Variants in CDC14B observed in about 807,000 individuals in gnomAD.
CDC14B encodes dual specificity protein phosphatase CDC14B.
A neutral mutation model predicts 64.2 loss-of-function variants in CDC14B; 22 were observed. The ratio of observed to expected loss-of-function variants is 0.34; its 90% confidence interval spans 0.24 to 0.49. The LOEUF is 0.49. Ranked by LOEUF, CDC14B falls within the 20% of genes least tolerant of loss-of-function variation. The pLI is 0.99. For missense variants in CDC14B, 498 were observed against 629.9 expected (o/e 0.79, Z 2.24); for synonymous variants, 191 against 215.8 (o/e 0.89, Z 1.01).
At chr9:96,517,843 T>C (rs551110657) in intron 12 of CDC14B, among the ~76,000 whole-genome samples, 2 of 151,166 alleles carry the variant, frequency 1.3e-5, no homozygotes, top group African/African-American at 4.9e-5. Context: ...TTTTTTTTTT[T>C]ATTTTTTTTG....
chr9:96,540,645 T>C (rs892165363), intron 6 of CDC14B, among the ~76,000 whole-genome samples: 2 of 151,448 alleles, frequency 1.3e-5, no homozygotes, highest in Non-Finnish European at 2.9e-5. Context: ...AGCTGCCATA[T>C]GGTGTTATAA....
intron 7 of CDC14B, among the ~76,000 whole-genome samples, chr9:96,536,198 T>C (rs547393363): frequency 7.9e-5 from 12 of 152,232 alleles, no homozygotes; most frequent in African/African-American, 2.9e-4. Flanking sequence ...ACCTAAACAG[T>C]TCCCTGTGTC....
chr9:96,510,158 C>A (rs1834718808), intron 12 of CDC14B, among the ~76,000 whole-genome samples: 1 of 152,118 alleles, frequency 6.6e-6, no homozygotes, highest in Admixed American at 6.5e-5. Flanking sequence ...ATTAAGAGCT[C>A]AAATTCTAAA....
chr9:96,543,009 A>G (rs1840290244), intron 5 of CDC14B, among the ~76,000 whole-genome samples: 1 of 149,148 alleles, frequency 6.7e-6, no homozygotes, highest in South Asian at 2.1e-4. Flanking sequence ...CTCTATCTCA[A>G]AAAACAAAAA....
intron 1 of CDC14B, among the ~76,000 whole-genome samples, chr9:96,577,700 A>G (rs1224986072): frequency 6.6e-6 from 1 of 152,206 alleles, no homozygotes; most frequent in African/African-American, 2.4e-5. Flanking sequence ...GCGGCAGTAC[A>G]ACCATTTTAG....
chr9:96,512,925 T>C (rs1721386893), intron 12 of CDC14B, among the ~76,000 whole-genome samples: 1 of 151,810 alleles, frequency 6.6e-6, no homozygotes, highest in African/African-American at 2.4e-5. Flanking sequence ...ACAATCACAC[T>C]GCAAAATAAT....
At chr9:96,567,641 T>G (rs1449376373) in intron 1 of CDC14B, among the ~76,000 whole-genome samples, 1 of 152,218 alleles carries the variant, frequency 6.6e-6, no homozygotes, top group Non-Finnish European at 1.5e-5. Flanking sequence ...TTAAAATTAT[T>G]GTAGAGATAG....
At chr9:96,496,926 G>A (rs1833272107), downstream of CDC14B, among the ~76,000 whole-genome samples, 1 of 152,256 alleles carries the variant, frequency 6.6e-6, no homozygotes, top group Non-Finnish European at 1.5e-5. Context: ...AAACGCATGG[G>A]GGCCTGGACC....
At position 96,500,981 on chromosome 9, in the gene CDC14B, G is replaced by A. The variant is rs1047098947; in HGVS notation, c.*2772C>T. On this transcript the variant is annotated 3_prime_UTR_variant, in exon 14 of 14. Transcript: ENST00000375241. The stretch of plus-strand genomic sequence containing the variant: ...AGAGAGGTAGCAATCACCCCTGTGA[G>A]AGGGCTAGAGAGGAGGGGAGGAAGT... 1 of 152,502 alleles carries A rather than the reference G, an allele frequency of 6.6e-6. No homozygotes were observed. The highest frequency in any genetic ancestry group is 2.4e-5 in the African/African-American group (1 of 41,586). The allele number at this position is 152,502 out of a possible 1,614,324, so 9.4% of individuals were successfully genotyped here. A position where few individuals can be genotyped will look rare whatever the true frequency, so the allele number is the denominator to read the frequency against.
rs763648574 is a variant in CDC14B, at chr9:96,562,790, A to G, written c.328-5T>C. 1 of 1,514,044 alleles carries G rather than the reference A, an allele frequency of 6.6e-7. No individual in the cohort carries two copies. The highest frequency in any genetic ancestry group is 9.1e-7 in the Non-Finnish European group (1 of 1,096,266). The allele number at this position is 1,514,044 out of a possible 1,614,324, so 93.8% of individuals were successfully genotyped here. A position where few individuals can be genotyped will look rare whatever the true frequency, so the allele number is the denominator to read the frequency against. ...CTTCCTTAACATTGTAATGGACTGC[A>G]TAAAAATAAATAACTGTTAGCATTT... On this transcript the variant is annotated splice_region_variant and splice_polypyrimidine_tract_variant and intron_variant, in intron 3 of 13. Coordinates refer to ENST00000375241, the MANE Select transcript of CDC14B (RefSeq NM_033331.4).
At chr9:96,542,121 C>T (rs1423448126) in intron 5 of CDC14B, among the ~76,000 whole-genome samples, 1 of 152,126 alleles carries the variant, frequency 6.6e-6, no homozygotes, top group East Asian at 1.9e-4. Flanking sequence ...CAATAATGAC[C>T]ACTTCCTAAA....
At chr9:96,516,113 A>C (rs1835619571) in intron 12 of CDC14B, among the ~76,000 whole-genome samples, 1 of 152,236 alleles carries the variant, frequency 6.6e-6, no homozygotes, top group Admixed American at 6.5e-5. Context: ...GAAGATGTGC[A>C]CACACAGAAA....
chr9:96,610,275 G>C (rs1564394016), intron 1 of CDC14B, among the ~76,000 whole-genome samples: 1 of 152,068 alleles, frequency 6.6e-6, no homozygotes, highest in African/African-American at 2.4e-5. Flanking sequence ...TCAGCTCACT[G>C]CAGGCTCTGC....
intron 13 of CDC14B, among the ~76,000 whole-genome samples, chr9:96,508,696 C>T (rs1415005777): frequency 6.6e-6 from 1 of 152,140 alleles, no homozygotes; most frequent in Non-Finnish European, 1.5e-5. Flanking sequence ...GTAGAGGAGA[C>T]ATGGCAGAGC....
At chr9:96,613,867 C>G (rs1847466244) in intron 1 of CDC14B, among the ~76,000 whole-genome samples, 1 of 152,144 alleles carries the variant, frequency 6.6e-6, no homozygotes, top group Admixed American at 6.5e-5. Context: ...ATATGCATGA[C>G]TATTTTACAT....
At chr9:96,564,110 G>A (rs2132300519) in intron 3 of CDC14B, among the ~76,000 whole-genome samples, 1 of 152,002 alleles carries the variant, frequency 6.6e-6, no homozygotes, top group East Asian at 1.9e-4. Flanking sequence ...TTTTCCAGTT[G>A]AGAATTTACA....
intron 1 of CDC14B, chr9:96,566,668 C>T: frequency 4.3e-6 from 5 of 1,176,066 alleles, no homozygotes; most frequent in Non-Finnish European, 4.9e-6. Flanking sequence ...ACAAGGGCGG[C>T]CGGGGCCCAG....
intron 7 of CDC14B, among the ~76,000 whole-genome samples, chr9:96,535,748 T>C (rs1326601593): frequency 7.2e-6 from 1 of 137,940 alleles, no homozygotes; most frequent in Non-Finnish European, 1.5e-5. Flanking sequence ...ATGATCAACA[T>C]GGGGAATCAG....
rs1389124669 is a variant in CDC14B at position 96,619,422 on chromosome 9, C to T, written c.-44G>A. The T allele has an allele frequency of 1.8e-6, 2 of 1,084,130 alleles. No individual in the cohort carries two copies. The highest frequency in any genetic ancestry group is 4.1e-4 in the Middle Eastern group (1 of 2,454). 67.2% of individuals were successfully genotyped at this position (1,084,130 alleles called of 1,614,324 possible). A position where few individuals can be genotyped will look rare whatever the true frequency, so the allele number is the denominator to read the frequency against. ...TCAGGGGGCCACGACCATGGCCCCGCGCGCCCGCGCGCCCGCCGAGGCTCC... is the reference window on the plus strand; with the variant it reads ...TCAGGGGGCCACGACCATGGCCCCGTGCGCCCGCGCGCCCGCCGAGGCTCC... On this transcript the variant is annotated 5_prime_UTR_variant, in exon 1 of 14. Coordinates refer to ENST00000375241, the MANE Select transcript of CDC14B (RefSeq NM_033331.4).
Sources: gnomAD v4.1 joint callset for allele counts (sites outside exome capture counted in the v4.1 genomes callset) on GRCh38, gnomAD v4.1.1 for gene constraint, MANE v1.5 for transcripts, NCBI Gene and HGNC (gene_info 2026-07-23, HGNC 2026-07-21) for gene names.